The following PRELID2 variants were observed in gnomAD, a reference collection of about 807,000 sequenced individuals.
PRELID2 encodes the protein PRELI domain containing 2.
PRELID2 carries 25 observed loss-of-function variants against 28.4 expected under a neutral mutation model. That is an observed-to-expected ratio of 0.88 (90% CI 0.64 to 1.23). The LOEUF (loss-of-function observed/expected upper bound fraction) is 1.23, where lower values mean the gene tolerates loss of function less well. PRELID2 is among the 50% of genes most tolerant of loss of function. The pLI is 0.00. For missense variants in PRELID2, 201 were observed against 214.4 expected (o/e 0.94, Z 0.39); for synonymous variants, 76 against 71.6 (o/e 1.06, Z -0.31).
At chr5:145,494,991 G>A (rs550688847) in intron 1 of PRELID2, among the ~76,000 whole-genome samples, 2 of 152,278 alleles carry the variant, frequency 1.3e-5, no homozygotes, top group South Asian at 2.1e-4. Flanking sequence ...AGAAAAAGAT[G>A]TGATGTAAGC....
At chr5:145,540,150 T>G (rs1752733759) in intron 1 of PRELID2, among the ~76,000 whole-genome samples, 1 of 152,004 alleles carries the variant, frequency 6.6e-6, no homozygotes, top group Admixed American at 6.6e-5. Flanking sequence ...TTGTATGTAT[T>G]CTATTTGCAA....
At chr5:145,240,598 A>C in the PRELID2 span, among the ~76,000 whole-genome samples, 6 of 151,914 alleles carry the variant, frequency 3.9e-5, no homozygotes, top group Non-Finnish European at 8.8e-5. Context: ...CATTTTTGCT[A>C]TTTTAAACAA....
At chr5:145,423,495 A>G in the PRELID2 span, among the ~76,000 whole-genome samples, 4 of 151,568 alleles carry the variant, frequency 2.6e-5, no homozygotes, top group Admixed American at 2.6e-4. Context: ...TTCATCTTCC[A>G]TCACTGATAC....
At chr5:145,501,130 C>T (rs1752356699) in intron 1 of PRELID2, among the ~76,000 whole-genome samples, 1 of 152,140 alleles carries the variant, frequency 6.6e-6, no homozygotes, top group Non-Finnish European at 1.5e-5. Flanking sequence ...CAGGCCACCC[C>T]ACCATCAATT....
chr5:145,676,220 C>CAA (rs34833967), intron 1 of PRELID2, among the ~76,000 whole-genome samples: 70 of 53,322 alleles, frequency 1.3e-3, no homozygotes, highest in Non-Finnish European at 1.8e-3. Context: ...AACTCCATCT[C>CAA]AAAAAAAAAA....
intron 1 of PRELID2, among the ~76,000 whole-genome samples, chr5:145,581,368 C>T (rs1249024784): frequency 1.3e-5 from 2 of 152,088 alleles, no homozygotes; most frequent in African/African-American, 2.4e-5. Context: ...TTCCTACTGT[C>T]TGGCACAATG....
At chr5:145,258,139 C>A in the PRELID2 span, among the ~76,000 whole-genome samples, 1 of 152,144 alleles carries the variant, frequency 6.6e-6, no homozygotes, top group Non-Finnish European at 1.5e-5. Context: ...GCCTGCAGAA[C>A]CATGAGCCAA....
intron 1 of PRELID2, among the ~76,000 whole-genome samples, chr5:145,696,908 T>G (rs1037048736): frequency 8.6e-5 from 13 of 151,256 alleles, no homozygotes; most frequent in African/African-American, 3.2e-4. Flanking sequence ...TAGTATATAT[T>G]CAGACCACTT....
intron 1 of PRELID2, among the ~76,000 whole-genome samples, chr5:145,743,645 C>T (rs1191330454): frequency 6.6e-6 from 1 of 152,020 alleles, no homozygotes; most frequent in African/African-American, 2.4e-5. Context: ...TGCTACCCAG[C>T]GTGGAAACCG....
intron 5 of PRELID2, among the ~76,000 whole-genome samples, chr5:145,780,869 C>A (rs1374371716): frequency 6.6e-6 from 1 of 152,106 alleles, no homozygotes; most frequent in Non-Finnish European, 1.5e-5. Context: ...CAAAAAGCCA[C>A]CATTTTCCTT....
At chr5:145,483,092 T>A (rs1752177750) in intron 1 of PRELID2, among the ~76,000 whole-genome samples, 2 of 152,144 alleles carry the variant, frequency 1.3e-5, no homozygotes, top group Admixed American at 1.3e-4. Flanking sequence ...ATCTCTATTT[T>A]ATAGACTGAA....
the PRELID2 span, among the ~76,000 whole-genome samples, chr5:145,451,637 G>T: frequency 6.6e-6 from 1 of 152,126 alleles, no homozygotes; most frequent in African/African-American, 2.4e-5. Flanking sequence ...TCTATTATGG[G>T]TATATGTTGA....
intron 1 of PRELID2, among the ~76,000 whole-genome samples, chr5:145,692,196 C>T (rs1057374707): frequency 6.6e-6 from 1 of 152,156 alleles, no homozygotes; most frequent in Non-Finnish European, 1.5e-5. Context: ...GCATTTATAA[C>T]AGTGCTGAGC....
chr5:145,562,771 T>C (rs1302712672), intron 1 of PRELID2, among the ~76,000 whole-genome samples: 2 of 151,514 alleles, frequency 1.3e-5, no homozygotes. Flanking sequence ...GTTAACAGAG[T>C]TTACAGACAC....
intron 1 of PRELID2, among the ~76,000 whole-genome samples, chr5:145,622,046 C>T (rs578076754): frequency 1.2e-4 from 19 of 152,154 alleles, no homozygotes; most frequent in African/African-American, 4.3e-4. Flanking sequence ...GAAAACATTA[C>T]ACTAAGTGAA....
intron 1 of PRELID2, among the ~76,000 whole-genome samples, chr5:145,722,962 A>C (rs1395149578): frequency 6.6e-6 from 1 of 152,174 alleles, no homozygotes; most frequent in Non-Finnish European, 1.5e-5. Flanking sequence ...TGACCAAACT[A>C]TCAATAACCA....
At chr5:145,307,263 C>A in the PRELID2 span, among the ~76,000 whole-genome samples, 387 of 152,266 alleles carry the variant, frequency 2.5e-3, 2 homozygotes, top group African/African-American at 9.0e-3. Flanking sequence ...GCTCCCTCTG[C>A]AGCAGGTACC....
chr5:145,516,026 C>T (rs1165851866), intron 1 of PRELID2, among the ~76,000 whole-genome samples: 1 of 152,128 alleles, frequency 6.6e-6, no homozygotes, highest in Admixed American at 6.5e-5. Context: ...AAAGCCACAG[C>T]CAATATCATA....
chr5:145,435,412 G>A, the PRELID2 span, among the ~76,000 whole-genome samples: 1 of 152,072 alleles, frequency 6.6e-6, no homozygotes, highest in Non-Finnish European at 1.5e-5. Flanking sequence ...ATGTCTTGAG[G>A]AACAGAAAGA....
Sources: gnomAD v4.1 joint callset for allele counts (sites outside exome capture counted in the v4.1 genomes callset) on GRCh38, gnomAD v4.1.1 for gene constraint, MANE v1.5 for transcripts, NCBI Gene and HGNC (gene_info 2026-07-23, HGNC 2026-07-21) for gene names.